Variants in ZBTB38 observed in about 807,000 individuals in gnomAD.
ZBTB38 encodes zinc finger and BTB domain containing 38.
ZBTB38 carries 20 observed loss-of-function variants against 76.8 expected under a neutral mutation model. The observed-to-expected ratio is 0.26, with a 90% CI of 0.18 to 0.38. The LOEUF (loss-of-function observed/expected upper bound fraction) is 0.38. Ranked by LOEUF, ZBTB38 falls within the 10% of genes least tolerant of loss-of-function variation. The pLI is 1.00. For synonymous variants in ZBTB38, 504 were observed against 544.2 expected (o/e 0.93, Z 1.03); for missense variants, 1,082 against 1,482.3 (o/e 0.73, Z 4.43).
At chr3:141,422,907 CA>C (rs2075701805) in intron 5 of ZBTB38, among the ~76,000 whole-genome samples, 2 of 152,166 alleles carry the variant, frequency 1.3e-5, no homozygotes, top group East Asian at 1.9e-4. Context: ...TTGAAAGTAT[CA>C]AAAAATAGGT....
At chr3:141,351,383 T>C (rs1164845556) in intron 1 of ZBTB38, among the ~76,000 whole-genome samples, 1 of 152,096 alleles carries the variant, frequency 6.6e-6, no homozygotes, top group Non-Finnish European at 1.5e-5. Flanking sequence ...AAAATAAAAA[T>C]TGTCTTGCAA....
At chr3:141,360,925 C>T (rs1943804483) in intron 1 of ZBTB38, among the ~76,000 whole-genome samples, 1 of 152,200 alleles carries the variant, frequency 6.6e-6, no homozygotes, top group East Asian at 1.9e-4. Context: ...TAAAAGGAAG[C>T]ACAGAACCAA....
rs201982854 is a variant in ZBTB38 at position 141,426,214 on chromosome 3, C to T, written c.1-16175C>T. 366 of 1,288,144 alleles carry T rather than the reference C, an allele frequency of 2.8e-4. 1 individual carries two copies. In the African/African-American group the frequency reaches 4.4e-3, roughly 16 times the overall value. The allele number at this position is 1,288,144 out of a possible 1,614,324, so 79.8% of individuals were successfully genotyped here. The stretch of plus-strand genomic sequence containing the variant: ...GTCAGAAGTCACAGGCCAGGTCGTG[C>T]GGACTATATATCTTGGTAATTTTCA... On this transcript the variant is annotated intron_variant, in intron 5 of 5. Transcript: ENST00000321464.
At chr3:141,378,777 C>T (rs984052125) in intron 2 of ZBTB38, among the ~76,000 whole-genome samples, 1 of 152,208 alleles carries the variant, frequency 6.6e-6, no homozygotes, top group Non-Finnish European at 1.5e-5. Context: ...GGAATCAAAG[C>T]TCAAGTATGC....
At chr3:141,329,670 T>A (rs1942785556) in intron 1 of ZBTB38, among the ~76,000 whole-genome samples, 1 of 152,224 alleles carries the variant, frequency 6.6e-6, no homozygotes, top group Non-Finnish European at 1.5e-5. Flanking sequence ...GAAGGTTAAT[T>A]TTCTCATCTT....
chr3:141,436,602 A>G (rs1173046145), intron 5 of ZBTB38, among the ~76,000 whole-genome samples: 1 of 151,992 alleles, frequency 6.6e-6, no homozygotes, highest in Non-Finnish European at 1.5e-5. Flanking sequence ...GGTTCAAGCG[A>G]TTCTCCTTCC....
intron 4 of ZBTB38, among the ~76,000 whole-genome samples, chr3:141,397,783 T>A (rs1262361286): frequency 6.6e-6 from 1 of 152,204 alleles, no homozygotes; most frequent in Non-Finnish European, 1.5e-5. Flanking sequence ...CGCCATCTTA[T>A]ATGGGCGTGG....
At chr3:141,372,209 GGAGCT>G (rs1350415218) in intron 2 of ZBTB38, among the ~76,000 whole-genome samples, 2 of 152,184 alleles carry the variant, frequency 1.3e-5, no homozygotes, top group African/African-American at 2.4e-5. Context: ...ACATTAGGAT[GGAGCT>G]GAGGAGGAAT....
chr3:141,434,402 C>T (rs1277641235), intron 5 of ZBTB38, among the ~76,000 whole-genome samples: 1 of 52,728 alleles, frequency 1.9e-5, no homozygotes, highest in Admixed American at 2.0e-4. Flanking sequence ...ACTGGGGGGG[C>T]GGGGGGAGTA....
rs2073256930 is a variant in ZBTB38 at position 141,413,840 on chromosome 3, C to T, written c.-1+9809C>T. ...AGCAAAGTGAAGAGTTTGATACCTG[C>T]CACTCTGTCTCTGAAGATTTACGTA... On this transcript the variant is annotated intron_variant, in intron 5 of 5. Transcript: ENST00000321464. The surrounding 1 kb of genome is among the most constrained non-coding windows in gnomAD (Gnocchi z 4.1). Among the ~76,000 whole-genome samples, 1 of 152,166 alleles carries T rather than the reference C, an allele frequency of 6.6e-6. No homozygotes were observed. The highest frequency in any genetic ancestry group is 1.5e-5 in the Non-Finnish European group (1 of 68,026).
At chr3:141,333,716 C>T (rs1942922968) in intron 1 of ZBTB38, among the ~76,000 whole-genome samples, 1 of 151,302 alleles carries the variant, frequency 6.6e-6, no homozygotes, top group Non-Finnish European at 1.5e-5. Flanking sequence ...CCCTCATGGA[C>T]CCAGAGACAT....
intron 4 of ZBTB38, among the ~76,000 whole-genome samples, chr3:141,393,734 A>G (rs1036804500): frequency 2.6e-5 from 4 of 152,132 alleles, no homozygotes; most frequent in Non-Finnish European, 5.9e-5. Context: ...CTGCTGCGCC[A>G]TGGAGCTGGG....
chr3:141,343,415 G>A (rs1178108784), intron 1 of ZBTB38, among the ~76,000 whole-genome samples: 1 of 152,162 alleles, frequency 6.6e-6, no homozygotes, highest in Non-Finnish European at 1.5e-5. Context: ...CCAGGGAGGT[G>A]GGGATTGTCA....
At position 141,401,410 on chromosome 3, in the gene ZBTB38, A is replaced by C. The variant is rs536695550; in HGVS notation, c.-105-2517A>C. Among the ~76,000 whole-genome samples the C allele has an allele frequency of 6.8e-4, 104 of 152,282 alleles. 1 individual carries two copies. Among genetic ancestry groups the C allele is most frequent in the Non-Finnish European group, 7.1e-4 (48 of 68,020 alleles). ...TATTTTTAAATAACATGATTATTTAATTTGACCTGGAGTCAATATATTTTT... is the reference window on the plus strand; with the variant it reads ...TATTTTTAAATAACATGATTATTTACTTTGACCTGGAGTCAATATATTTTT... On this transcript the variant is annotated intron_variant, in intron 4 of 5. Transcript: ENST00000321464.
intron 5 of ZBTB38, among the ~76,000 whole-genome samples, chr3:141,414,459 A>T (rs769995325): frequency 6.6e-6 from 1 of 152,234 alleles, no homozygotes; most frequent in Non-Finnish European, 1.5e-5. Flanking sequence ...GTCACCACAA[A>T]TAAGTCAGCC....
intron 5 of ZBTB38, among the ~76,000 whole-genome samples, chr3:141,423,377 A>G (rs922300084): frequency 1.3e-5 from 2 of 152,226 alleles, no homozygotes; most frequent in Non-Finnish European, 2.9e-5. Context: ...ATAGAATGAG[A>G]TACTACATTT....
In ZBTB38 at chr3:141,398,646, AT is replaced by A. The variant is rs1013154198; in HGVS notation, c.-105-5272del. On this transcript the variant is annotated intron_variant, in intron 4 of 5. Transcript: ENST00000321464. ...TTGTTTCATGTAAATCTCCTTCTGT[AT>A]TTTTTTTTGCACTGTTCTTGTAACA... Among the ~76,000 whole-genome samples, 297 of 151,014 alleles carry A rather than the reference AT, an allele frequency of 2.0e-3. 2 individuals are homozygous for A. The highest frequency in any genetic ancestry group is 6.5e-3 in the African/African-American group (270 of 41,222).
At chr3:141,334,010 C>T (rs1576634432) in intron 1 of ZBTB38, among the ~76,000 whole-genome samples, 1 of 152,076 alleles carries the variant, frequency 6.6e-6, no homozygotes, top group East Asian at 1.9e-4. Context: ...TCAGCACACA[C>T]AGGGAAATAC....
At chr3:141,371,512 G>A (rs1344961524) in intron 2 of ZBTB38, among the ~76,000 whole-genome samples, 2 of 151,460 alleles carry the variant, frequency 1.3e-5, no homozygotes, top group Non-Finnish European at 2.9e-5. Context: ...GCTAATTTTT[G>A]TATTTTTTGT....
Sources: allele counts gnomAD v4.1 joint callset (sites outside exome capture counted in the v4.1 genomes callset), GRCh38; gene constraint gnomAD v4.1.1; non-coding constraint Gnocchi (gnomAD v3.1); transcripts MANE v1.5; gene names NCBI Gene and HGNC (gene_info 2026-07-23, HGNC 2026-07-21).